Variants in WNT5A observed in about 807,000 individuals in gnomAD.
The protein encoded by WNT5A is protein Wnt-5a.
A neutral mutation model predicts 42.1 loss-of-function variants in WNT5A; 9 were observed. The ratio of observed to expected loss-of-function variants is 0.21; its 90% CI spans 0.13 to 0.37. The LOEUF (loss-of-function observed/expected upper bound fraction) is 0.37, where lower values mean the gene tolerates loss of function less well. WNT5A is among the 10% of genes least tolerant of loss of function. The pLI, the probability that WNT5A is intolerant of heterozygous loss-of-function variation, is 1.00. For missense variants in WNT5A, 426 were observed against 534.0 expected (o/e 0.80, Z 1.99); for synonymous variants, 210 against 210.0 (o/e 1.00, Z 0.00).
chr3:55,485,816 A>AC (rs139753862), intron 1 of WNT5A, among the ~76,000 whole-genome samples: 245 of 152,244 alleles, frequency 1.6e-3, no homozygotes, highest in African/African-American at 5.7e-3. Flanking sequence ...AGAAAGTCAA[A>AC]CAGGGCCGTG....
At chr3:55,490,102 G>A (rs545743693), upstream of WNT5A, 14 of 152,412 alleles carry the variant, frequency 9.2e-5, no homozygotes, top group South Asian at 1.9e-3. Flanking sequence ...GGGCGCTCCC[G>A]AAGAATGGAG....
At chr3:55,479,871 A>G (rs1559556632) in intron 2 of WNT5A, among the ~76,000 whole-genome samples, 1 of 152,176 alleles carries the variant, frequency 6.6e-6, no homozygotes, top group African/African-American at 2.4e-5. Flanking sequence ...AGGAGGAAAC[A>G]GCAGTTTGAG....
upstream of WNT5A, among the ~76,000 whole-genome samples, chr3:55,491,931 A>G (rs1054515035): frequency 6.6e-6 from 1 of 152,212 alleles, no homozygotes; most frequent in Non-Finnish European, 1.5e-5. Context: ...TCACAACCAC[A>G]TGGCCACCGT....
intron 3 of WNT5A, among the ~76,000 whole-genome samples, chr3:55,474,901 G>T (rs1401887421): frequency 7.8e-6 from 1 of 127,606 alleles, no homozygotes; most frequent in Non-Finnish European, 1.7e-5. Flanking sequence ...GGGCTGGGGG[G>T]AGGTTGGGGT....
chr3:55,477,474 T>TGATA (rs1221099239), intron 3 of WNT5A, among the ~76,000 whole-genome samples: 2 of 152,102 alleles, frequency 1.3e-5, no homozygotes, highest in East Asian at 3.9e-4. Context: ...GCTGACTTGA[T>TGATA]GATAGTATCT....
intron 3 of WNT5A, among the ~76,000 whole-genome samples, chr3:55,477,961 G>A (rs1185673316): frequency 6.6e-6 from 1 of 152,150 alleles, no homozygotes; most frequent in South Asian, 2.1e-4. Flanking sequence ...CATCCTCATA[G>A]AATTTTTCAA....
chr3:55,495,555 T>C, the WNT5A span, among the ~76,000 whole-genome samples: 1 of 152,216 alleles, frequency 6.6e-6, no homozygotes. Context: ...CCATTGTGTA[T>C]CTATGCCACA....
chr3:55,474,640 G>C lies in WNT5A; in HGVS notation c.392-11C>G. ...CCGTCTCGCGGCTGCCTGTGGGTGAGGACAAGGGATCACTGGCCGCCTGCC... is the reference window on the plus strand; with the variant it reads ...CCGTCTCGCGGCTGCCTGTGGGTGACGACAAGGGATCACTGGCCGCCTGCC... On this transcript the variant is annotated splice_polypyrimidine_tract_variant and intron_variant, in intron 3 of 4. Transcript: ENST00000264634. 1.4e-6 allele frequency: 2 copies of C among 1,401,244 alleles called. No homozygotes were observed. Among genetic ancestry groups the C allele is most frequent in the Non-Finnish European group, 1.8e-6 (2 of 1,083,696 alleles). 86.8% of individuals were successfully genotyped at this position (1,401,244 alleles called of 1,614,324 possible).
At chr3:55,489,518 A>G (rs1464848312), upstream of WNT5A, among the ~76,000 whole-genome samples, 1 of 150,952 alleles carries the variant, frequency 6.6e-6, no homozygotes, top group African/African-American at 2.4e-5. Flanking sequence ...CCATTCCTTA[A>G]TTTTCCTAGC....
chr3:55,477,542 C>G (rs2051379668), intron 3 of WNT5A, among the ~76,000 whole-genome samples: 1 of 152,094 alleles, frequency 6.6e-6, no homozygotes, highest in African/African-American at 2.4e-5. Flanking sequence ...TCCCATCGAC[C>G]CAGACAGTAG....
chr3:55,472,772 G>A (rs559954914), intron 4 of WNT5A, among the ~76,000 whole-genome samples: 2 of 152,174 alleles, frequency 1.3e-5, no homozygotes, highest in African/African-American at 2.4e-5. Flanking sequence ...TTATCTACAC[G>A]ATCTTTGACT....
rs1575390139 is a variant in WNT5A at position 55,465,932 on chromosome 3, C to T, written c.*4160G>A. 1 of 151,790 alleles carries T rather than the reference C, an allele frequency of 6.6e-6. No individual in the cohort carries two copies. Among genetic ancestry groups the T allele is most frequent in the African/African-American group, 2.4e-5 (1 of 41,300 alleles). 9.4% of individuals were successfully genotyped at this position (151,790 alleles called of 1,614,324 possible). On this transcript the variant is annotated 3_prime_UTR_variant, in exon 5 of 5. Transcript: ENST00000264634. ...TACATTAAAAAAAAATCATACCAACCTTTAATCATTCTACATCCATTTTTT... is the reference window on the plus strand; with the variant it reads ...TACATTAAAAAAAAATCATACCAACTTTTAATCATTCTACATCCATTTTTT...
In WNT5A at chr3:55,484,325, G is replaced by A. The variant is rs77579929; in HGVS notation, c.6+2655C>T. ...TGCCCTGGAGAATGCGGGGAGCGGC[G>A]CGAGGAGCTAAAGAATGGGCCGGCC... On this transcript the variant is annotated intron_variant, in intron 1 of 4. Transcript: ENST00000264634. Among the ~76,000 whole-genome samples the A allele has an allele frequency of 7.2e-5, 11 of 152,294 alleles. No individual in the cohort carries two copies. The East Asian group carries it at 2.1e-3, about 30-fold the overall frequency.
intron 3 of WNT5A, among the ~76,000 whole-genome samples, chr3:55,478,657 G>A (rs531807038): frequency 3.2e-4 from 49 of 151,896 alleles, no homozygotes; most frequent in African/African-American, 1.0e-3. Flanking sequence ...ATGAAGAATC[G>A]GACTGTGAGC....
intron 4 of WNT5A, among the ~76,000 whole-genome samples, chr3:55,472,673 G>A (rs1424271638): frequency 6.6e-6 from 1 of 152,128 alleles, no homozygotes; most frequent in Non-Finnish European, 1.5e-5. Flanking sequence ...ACCCCTCATG[G>A]CAGTACAGGC....
rs1041627619 is a variant in WNT5A at position 55,474,657 on chromosome 3, C to T, written c.392-28G>A. The T allele has an allele frequency of 1.8e-5, 24 of 1,361,524 alleles. No homozygotes were observed. The African/African-American group carries it at 1.8e-4, about 10-fold the overall frequency. The allele number at this position is 1,361,524 out of a possible 1,614,324, so 84.3% of individuals were successfully genotyped here. On this transcript the variant is annotated intron_variant, in intron 3 of 4. Transcript: ENST00000264634. The stretch of plus-strand genomic sequence containing the variant: ...GTGGGTGAGGACAAGGGATCACTGG[C>T]CGCCTGCCTCACGCGCTGGGCCGGG...
the WNT5A span, among the ~76,000 whole-genome samples, chr3:55,503,762 G>A: frequency 6.6e-6 from 1 of 152,090 alleles, no homozygotes; most frequent in African/African-American, 2.4e-5. Flanking sequence ...ACTGGCTTGG[G>A]CAATATAGTG....
upstream of WNT5A, among the ~76,000 whole-genome samples, chr3:55,490,867 A>C (rs115857818): frequency 6.6e-4 from 100 of 152,336 alleles, no homozygotes; most frequent in Non-Finnish European, 1.1e-3. Flanking sequence ...ATTAATAGCA[A>C]TATGCCCCAT....
chr3:55,485,901 G>C (rs1421283302), intron 1 of WNT5A, among the ~76,000 whole-genome samples: 1 of 151,910 alleles, frequency 6.6e-6, no homozygotes, highest in Non-Finnish European at 1.5e-5. Flanking sequence ...TTTGCTTCCA[G>C]GAAACATCTT....
Sources: gnomAD v4.1 joint callset for allele counts (sites outside exome capture counted in the v4.1 genomes callset) on GRCh38, gnomAD v4.1.1 for gene constraint, MANE v1.5 for transcripts, NCBI Gene and HGNC (gene_info 2026-07-23, HGNC 2026-07-21) for gene names.